Variants in RLF observed in about 807,000 individuals in gnomAD.
RLF encodes the protein RLF zinc finger, also known as zinc finger protein Rlf.
Under a neutral mutation model 162.9 loss-of-function variants are expected in RLF, and 7 were observed. The observed-to-expected ratio is 0.04, with a 90% CI of 0.02 to 0.08. The LOEUF (loss-of-function observed/expected upper bound fraction) is 0.08. Among genes scored for constraint, RLF ranks in the 10% least tolerant of loss-of-function variants. The probability of loss-of-function intolerance (pLI) is 1.00; values close to 1 mark genes in which losing one functional copy is unlikely to be tolerated. For synonymous variants in RLF, 782 were observed against 791.5 expected (o/e 0.99, Z 0.20); for missense variants, 1,664 against 2,244.7 (o/e 0.74, Z 5.23).
At chr1:40,207,903 G>T (rs184026009) in intron 5 of RLF, among the ~76,000 whole-genome samples, 1 of 152,144 alleles carries the variant, frequency 6.6e-6, no homozygotes, top group Non-Finnish European at 1.5e-5. Context: ...AAGCCACCAC[G>T]CCTGGCCCCT....
At chr1:40,215,202 T>A (rs1458612831) in intron 5 of RLF, among the ~76,000 whole-genome samples, 1 of 152,118 alleles carries the variant, frequency 6.6e-6, no homozygotes, top group Admixed American at 6.6e-5. Flanking sequence ...AGTTGGAGAC[T>A]TTAACACCCA....
At chr1:40,217,178 A>T (rs1427113496) in intron 5 of RLF, among the ~76,000 whole-genome samples, 2 of 151,992 alleles carry the variant, frequency 1.3e-5, no homozygotes, top group Non-Finnish European at 2.9e-5. Context: ...AAAAACTCTT[A>T]CTTAAGGCTG....
chr1:40,211,161 A>G (rs1642860001), intron 5 of RLF, among the ~76,000 whole-genome samples: 2 of 152,246 alleles, frequency 1.3e-5, no homozygotes, highest in Admixed American at 6.5e-5. Flanking sequence ...CTGTCCTTGT[A>G]CGAAAAATAT....
intron 1 of RLF, among the ~76,000 whole-genome samples, chr1:40,182,006 AAAT>A (rs1211969802): frequency 6.6e-6 from 1 of 152,238 alleles, no homozygotes; most frequent in Admixed American, 6.5e-5. Context: ...GTCCATAAAT[AAAT>A]AATTGGGTAA....
rs1262539853 is a variant in RLF at position 40,235,986 on chromosome 1, G to A, written c.1284G>A (p.Met428Ile). Residue 428 changes from methionine to isoleucine, a missense_variant, in exon 8 of 8, where the codon ATG (methionine) becomes ATA (isoleucine). By Grantham distance (10) the Met-to-Ile change is conservative (BLOSUM62 1). Around this residue, in one of 15 missense-constraint regions of RLF, gnomAD observed 287 missense variants for 404.9 expected, o/e 0.71. Transcript: ENST00000372771. ...AACCCAGTTTGGATGGATTTAATAT[G>A]TTAGAAGAACTATATTTGCAACCAG... ...LIEPSLDGFN[M>I]LEELYLQPDQ... The A allele has an allele frequency of 2.5e-6, 4 of 1,613,308 alleles. No individual in the cohort carries two copies. Among genetic ancestry groups the A allele is most frequent in the South Asian group, 1.1e-5 (1 of 90,850 alleles).
chr1:40,161,757 C>T lies in RLF; in HGVS notation c.237+121C>T, dbSNP rs1642088528. ...GCGCCACCTCCGTGACTCGCCGCGC[C>T]CCCGGGCCGGGAAGGCCCAGCTCGG... On this transcript the variant is annotated intron_variant, in intron 1 of 7. Coordinates refer to ENST00000372771, the MANE Select transcript of RLF (RefSeq NM_012421.4). This position sits in a 1 kb window ranked among gnomAD's most constrained non-coding sequence, Gnocchi z 4.4. 2.2e-6 allele frequency: 3 copies of T among 1,395,316 alleles called. No homozygotes were observed. In the East Asian group the frequency reaches 8.1e-5, roughly 38 times the overall value. The allele number at this position is 1,395,316 out of a possible 1,614,324, so 86.4% of individuals were successfully genotyped here.
chr1:40,239,461 A>G lies in RLF; in HGVS notation c.4759A>G (p.Asn1587Asp). 1 of 1,613,990 alleles carries G rather than the reference A, an allele frequency of 6.2e-7. No homozygotes were observed. The highest frequency in any genetic ancestry group is 8.5e-7 in the Non-Finnish European group (1 of 1,180,032). Residue 1587 changes from asparagine to aspartate, a missense_variant, in exon 8 of 8, where the codon AAT becomes GAT. Transcript: ENST00000372771. ...SSAYLEQQMENLVVCVKYGTK... is the reference protein window; with the variant it reads ...SSAYLEQQMEDLVVCVKYGTK... ...TGCCTATTTAGAGCAACAGATGGAG[A>G]ATCTTGTTGTTTGCGTTAAGTACGG...
rs749882196 is a variant in RLF, at chr1:40,195,569, GA to G, written c.475-59del. On this transcript the variant is annotated intron_variant, in intron 3 of 7. Transcript: ENST00000372771. Reference sequence around the variant, plus strand: ...AATTCCTAGGTGTATCAGATATGTTGAAAAGGCAAAACTAATTTTTATATTG... The same window carrying G: ...AATTCCTAGGTGTATCAGATATGTTGAAAGGCAAAACTAATTTTTATATTG... 3.7e-4 allele frequency: 543 copies of G among 1,449,036 alleles called. 1 individual carries two copies. The highest frequency in any genetic ancestry group is 3.1e-3 in the African/African-American group (220 of 70,200). 89.8% of individuals were successfully genotyped at this position (1,449,036 alleles called of 1,614,324 possible).
At chr1:40,213,628 CCTTT>C (rs749793143) in intron 5 of RLF, among the ~76,000 whole-genome samples, 3 of 152,142 alleles carry the variant, frequency 2.0e-5, no homozygotes, top group Non-Finnish European at 2.9e-5. Context: ...GTAACTCCCA[CCTTT>C]CTTCTACTCA....
chr1:40,195,275 C>G (rs1483587631), intron 3 of RLF, among the ~76,000 whole-genome samples: 2 of 151,642 alleles, frequency 1.3e-5, no homozygotes, highest in Admixed American at 6.6e-5. Context: ...ATGGTGAAAC[C>G]CTGTCTCTAC....
chr1:40,209,486 G>A (rs1332628799), intron 5 of RLF, among the ~76,000 whole-genome samples: 2 of 152,280 alleles, frequency 1.3e-5, no homozygotes, highest in African/African-American at 2.4e-5. Context: ...AGGATCCGTC[G>A]AAGTCAAGAT....
intron 6 of RLF, among the ~76,000 whole-genome samples, chr1:40,227,574 CTA>C (rs1288243272): frequency 5.3e-5 from 8 of 152,246 alleles, no homozygotes; most frequent in Middle Eastern, 3.4e-3. Flanking sequence ...CAATTTATAA[CTA>C]TGCAAATATT....
At chr1:40,186,030 A>G (rs1642475807) in intron 1 of RLF, among the ~76,000 whole-genome samples, 1 of 151,914 alleles carries the variant, frequency 6.6e-6, no homozygotes, top group South Asian at 2.1e-4. Context: ...GGTGGCGCAC[A>G]GTTGTAATCC....
At chr1:40,216,074 AAAG>A (rs1450903060) in intron 5 of RLF, among the ~76,000 whole-genome samples, 1 of 152,196 alleles carries the variant, frequency 6.6e-6, no homozygotes. Context: ...CAGGAATAAA[AAAG>A]GAGATACCAT....
rs75855852 is a variant in RLF at position 40,239,265 on chromosome 1, C to G, written c.4563C>G (p.Ile1521Met). 3.8e-3 allele frequency: 6,109 copies of G among 1,614,018 alleles called. 105 individuals carry two copies. In the East Asian group the frequency reaches 0.041, roughly 11 times the overall value. ...FNAKSKKCGL[I>M]KEKKAPISFK... Reference sequence around the variant, plus strand: ...CTAAGTCTAAAAAATGTGGCTTAATCAAAGAAAAGAAAGCCCCAATAAGTT... The same window carrying G: ...CTAAGTCTAAAAAATGTGGCTTAATGAAAGAAAAGAAAGCCCCAATAAGTT... Residue 1521 changes from isoleucine (I) to methionine (M), a missense_variant, in exon 8 of 8, where the codon ATC becomes ATG. Physicochemically the swap from Ile to Met is conservative, Grantham distance 10. This residue lies in a region of RLF where 200 missense variants were observed against 207.3 expected (regional missense o/e 0.96). Transcript: ENST00000372771.
intron 1 of RLF, among the ~76,000 whole-genome samples, chr1:40,180,888 A>G (rs953364353): frequency 2.6e-5 from 4 of 152,064 alleles, no homozygotes; most frequent in South Asian, 4.1e-4. Flanking sequence ...GAAGTTTTTA[A>G]TTTTGATGAA....
At chr1:40,198,664 A>G (rs2124540413) in intron 4 of RLF, among the ~76,000 whole-genome samples, 1 of 152,318 alleles carries the variant, frequency 6.6e-6, no homozygotes, top group Non-Finnish European at 1.5e-5. Flanking sequence ...ATAGTATAAG[A>G]TAAAGTGTCA....
At chr1:40,218,279 T>TCTTACGTCTTCTGAGGGCAAAAGC (rs1642951655) in intron 5 of RLF, among the ~76,000 whole-genome samples, 4 of 152,152 alleles carry the variant, frequency 2.6e-5, no homozygotes, top group Admixed American at 2.6e-4. Context: ...CTTTCAAAGG[T>TCTTACGTCTTCTGAGGGCAAAAGC]CTTCCGTCTT....
chr1:40,239,630 A>T lies in RLF; in HGVS notation c.4928A>T (p.His1643Leu), dbSNP rs760271598. 5.6e-6 allele frequency: 9 copies of T among 1,614,068 alleles called. No homozygotes were observed. In the African/African-American group the frequency reaches 1.2e-4, roughly 22 times the overall value. Residue 1643 changes from histidine (H) to leucine (L), a missense_variant, in exon 8 of 8, where the codon CAT (histidine) becomes CTT (leucine). By Grantham distance (99) the His-to-Leu change is moderately conservative. Coordinates refer to ENST00000372771, the MANE Select transcript of RLF (RefSeq NM_012421.4). ...SAPIQNTDCC[H>L]SSERDGGQKG... ...CCCATCCAGAACACTGATTGCTGTCATTCAAGTGAAAGGGATGGAGGTCAG... is the reference window on the plus strand; with the variant it reads ...CCCATCCAGAACACTGATTGCTGTCTTTCAAGTGAAAGGGATGGAGGTCAG...
Sources: gnomAD v4.1 joint callset for allele counts (sites outside exome capture counted in the v4.1 genomes callset) on GRCh38, gnomAD v4.1.1 for gene constraint, gnomAD v4.1.1 regional missense constraint, Gnocchi (gnomAD v3.1) non-coding constraint, MANE v1.5 for transcripts, NCBI Gene and HGNC (gene_info 2026-07-23, HGNC 2026-07-21) for gene names.